The following DIAPH2 variants were observed in gnomAD, a reference collection of about 807,000 sequenced individuals.
DIAPH2 encodes protein diaphanous homolog 2.
A neutral mutation model predicts 92.7 loss-of-function variants in DIAPH2; 35 were observed. The ratio of observed to expected loss-of-function variants is 0.38; its 90% CI spans 0.29 to 0.50. The LOEUF (loss-of-function observed/expected upper bound fraction) is 0.50. Ranked by LOEUF, DIAPH2 falls within the 20% of genes least tolerant of loss-of-function variation. DIAPH2 has a pLI of 0.94. For missense variants in DIAPH2, 701 were observed against 819.5 expected (o/e 0.86, Z 1.77); for synonymous variants, 301 against 280.4 (o/e 1.07, Z -0.73).
intron 15 of DIAPH2, chrX:96,953,822 A>G (rs1435062436): frequency 9.0e-6 from 1 of 111,534 alleles, no homozygotes; most frequent in Non-Finnish European, 1.9e-5. Flanking sequence ...CAGGATCATC[A>G]TAGAAAGTAT....
At chrX:97,305,159 G>C (rs1040323148) in intron 23 of DIAPH2, among the ~76,000 whole-genome samples, 1 of 112,339 alleles carries the variant, frequency 8.9e-6, no homozygotes, top group Non-Finnish European at 1.9e-5. Flanking sequence ...ATAGCCAAGA[G>C]TAGGAGCTAA....
At chrX:96,756,624 C>A (rs1472032443) in intron 3 of DIAPH2, among the ~76,000 whole-genome samples, 3 of 111,438 alleles carry the variant, frequency 2.7e-5, no homozygotes, top group African/African-American at 9.8e-5. Context: ...CATATGTTTT[C>A]ATTTTGCTTA....
At chrX:97,144,549 A>G (rs769603079) in intron 22 of DIAPH2, among the ~76,000 whole-genome samples, 3 of 110,328 alleles carry the variant, frequency 2.7e-5, no homozygotes, top group Non-Finnish European at 5.7e-5. Flanking sequence ...TATGTACCCC[A>G]TAAGTATACA....
At chrX:96,793,939 G>A (rs1217442394) in intron 4 of DIAPH2, among the ~76,000 whole-genome samples, 1 of 112,032 alleles carries the variant, frequency 8.9e-6, no homozygotes, top group Admixed American at 9.5e-5. Context: ...CAGACAATGT[G>A]TTGTTCATTT....
At chrX:97,491,725 G>A (rs2070726868) in intron 26 of DIAPH2, among the ~76,000 whole-genome samples, 1 of 112,085 alleles carries the variant, frequency 8.9e-6, no homozygotes, top group Non-Finnish European at 1.9e-5. Flanking sequence ...ATTATTGATA[G>A]GGAAGGACTT....
intron 25 of DIAPH2, among the ~76,000 whole-genome samples, chrX:97,384,678 G>A (rs1022916243): frequency 2.7e-5 from 3 of 109,644 alleles, no homozygotes; most frequent in Non-Finnish European, 3.8e-5. Flanking sequence ...ACCAGCCTGC[G>A]CAACATGGTG....
At chrX:97,124,497 G>C (rs2067078310) in intron 21 of DIAPH2, among the ~76,000 whole-genome samples, 1 of 112,331 alleles carries the variant, frequency 8.9e-6, no homozygotes, top group Non-Finnish European at 1.9e-5. Flanking sequence ...TATAGGTTGT[G>C]TGAAAACTTG....
intron 14 of DIAPH2, among the ~76,000 whole-genome samples, chrX:96,946,124 C>T (rs1204773728): frequency 9.0e-6 from 1 of 111,332 alleles, no homozygotes; most frequent in African/African-American, 3.3e-5. Context: ...TTCATGTAGG[C>T]CTGGTGGAAT....
chrX:97,050,065 CATG>C (rs933386578), intron 17 of DIAPH2, among the ~76,000 whole-genome samples: 7 of 111,265 alleles, frequency 6.3e-5, no homozygotes, highest in Non-Finnish European at 9.5e-5. Context: ...AGATTTATAA[CATG>C]GTGACATTTG....
At chrX:97,165,659 ATTT>A (rs199970468) in intron 22 of DIAPH2, among the ~76,000 whole-genome samples, 2 of 97,437 alleles carry the variant, frequency 2.1e-5, no homozygotes, top group East Asian at 3.3e-4. Context: ...ATGCCCAGCA[ATTT>A]TTTTTTTTTT....
chrX:96,899,268 T>G (rs371175490), intron 5 of DIAPH2, among the ~76,000 whole-genome samples: 1 of 109,267 alleles, frequency 9.2e-6, no homozygotes, highest in Non-Finnish European at 1.9e-5. Flanking sequence ...GTGAAGAAAG[T>G]CATTGGTAGC....
intron 22 of DIAPH2, among the ~76,000 whole-genome samples, chrX:97,161,400 G>C (rs2067371916): frequency 9.0e-6 from 1 of 110,603 alleles, no homozygotes; most frequent in African/African-American, 3.3e-5. Flanking sequence ...AGTTTTTTGT[G>C]GGTTTTTTGT....
At chrX:97,429,561 T>C (rs1397696194) in intron 25 of DIAPH2, 89 bp from the exon 26 acceptor site, 1 of 1,108,165 alleles carries the variant, frequency 9.0e-7, no homozygotes, top group African/African-American at 1.8e-5. Flanking sequence ...AGGGGTATTA[T>C]GTAAATCTGA....
At chrX:96,721,705 A>G (rs911717293) in intron 1 of DIAPH2, among the ~76,000 whole-genome samples, 2 of 111,947 alleles carry the variant, frequency 1.8e-5, no homozygotes, top group Non-Finnish European at 3.8e-5. Context: ...GCATCATACC[A>G]TAGTACTCTG....
chrX:96,784,859 C>T (rs950442281), intron 4 of DIAPH2, among the ~76,000 whole-genome samples: 9 of 111,782 alleles, frequency 8.1e-5, no homozygotes, highest in African/African-American at 2.9e-4. Context: ...ACCTTGACTA[C>T]AGTTGGAGAA....
chrX:96,871,098 C>T (rs1226461574), intron 4 of DIAPH2, among the ~76,000 whole-genome samples: 1 of 111,995 alleles, frequency 8.9e-6, no homozygotes, highest in East Asian at 2.8e-4. Context: ...CATTGGTTAT[C>T]CTATTGCACA....
At chrX:96,826,436 G>A (rs1319325489) in intron 4 of DIAPH2, among the ~76,000 whole-genome samples, 1 of 109,969 alleles carries the variant, frequency 9.1e-6, no homozygotes, top group Admixed American at 9.7e-5. Context: ...AAAGAAATGT[G>A]GTTTTAATGG....
chrX:97,449,067 A>G (rs766782068), intron 26 of DIAPH2, among the ~76,000 whole-genome samples: 13 of 111,839 alleles, frequency 1.2e-4, no homozygotes, highest in African/African-American at 4.2e-4. Flanking sequence ...TAATTTCCTG[A>G]CATTTGCTAT....
intron 22 of DIAPH2, among the ~76,000 whole-genome samples, chrX:97,186,756 TCTCCCTCTAG>T (rs899922399): frequency 1.8e-5 from 2 of 111,872 alleles, no homozygotes; most frequent in African/African-American, 6.5e-5. Flanking sequence ...AGGATTCTAA[TCTCCCTCTAG>T]CTAATGCAGC....
Sources: gnomAD v4.1 joint callset for allele counts (sites outside exome capture counted in the v4.1 genomes callset) on GRCh38, gnomAD v4.1.1 for gene constraint, MANE v1.5 for transcripts, NCBI Gene and HGNC (gene_info 2026-07-23, HGNC 2026-07-21) for gene names.